Variants in TBL1XR1 observed in about 807,000 individuals in gnomAD.
TBL1XR1 encodes the protein TBL1X/Y related 1, also known as F-box-like/WD repeat-containing protein TBL1XR1.
TBL1XR1 carries 5 observed loss-of-function variants against 66.9 expected under a neutral mutation model. The ratio of observed to expected loss-of-function variants is 0.07; its 90% CI spans 0.04 to 0.16. TBL1XR1 has a LOEUF of 0.16. TBL1XR1 is among the 10% of genes least tolerant of loss of function. The pLI, the probability that TBL1XR1 is intolerant of heterozygous loss-of-function variation, is 1.00. For synonymous variants in TBL1XR1, 210 were observed against 206.0 expected, an observed-to-expected ratio of 1.02 and a Z score of -0.17; for missense variants, 238 against 623.2, an observed-to-expected ratio of 0.38 and a Z score of 6.58.
At chr3:177,085,663 A>G (rs1011915245) in intron 2 of TBL1XR1, among the ~76,000 whole-genome samples, 2 of 152,218 alleles carry the variant, frequency 1.3e-5, no homozygotes, top group African/African-American at 4.8e-5. Flanking sequence ...TAGGAAAATG[A>G]TAGCAAACAC....
intron 1 of TBL1XR1, among the ~76,000 whole-genome samples, chr3:177,143,305 T>A (rs1237662010): frequency 6.6e-6 from 1 of 151,932 alleles, no homozygotes; most frequent in Admixed American, 6.6e-5. Flanking sequence ...ATGCTCAGTA[T>A]TTGCTAAGTC....
rs144205846 is a variant in TBL1XR1 at position 177,071,191 on chromosome 3, C to T, written c.-45-6169G>A. Among the ~76,000 whole-genome samples, 422 of 151,886 alleles carry T rather than the reference C, an allele frequency of 2.8e-3. 3 individuals carry two copies. Among genetic ancestry groups the T allele is most frequent in the African/African-American group, 9.7e-3 (403 of 41,406 alleles). ...GACTATAGGCACCCGCCACCGTGCC[C>T]GGCTAATTTTTTGTATTTTCAGTAG... is the stretch of plus-strand genomic sequence containing the variant. On this transcript the variant is annotated intron_variant, in intron 2 of 15. Coordinates refer to ENST00000457928, the MANE Select transcript of TBL1XR1 (RefSeq NM_024665.7).
intron 1 of TBL1XR1, among the ~76,000 whole-genome samples, chr3:177,154,541 C>G (rs561423017): frequency 1.3e-5 from 2 of 152,020 alleles, no homozygotes; most frequent in East Asian, 1.9e-4. Flanking sequence ...GGATTACAGA[C>G]GCCCACCACC....
chr3:177,097,990 T>C (rs759196629), intron 2 of TBL1XR1, among the ~76,000 whole-genome samples: 4 of 152,156 alleles, frequency 2.6e-5, no homozygotes, highest in Non-Finnish European at 4.4e-5. Context: ...GCGGATCACC[T>C]GCGGTCAGGG....
intron 2 of TBL1XR1, among the ~76,000 whole-genome samples, chr3:177,075,516 A>C (rs189083238): frequency 6.6e-6 from 1 of 152,298 alleles, no homozygotes; most frequent in African/African-American, 2.4e-5. Context: ...CTTCCCTACT[A>C]ATCAGTATAG....
intron 10 of TBL1XR1, among the ~76,000 whole-genome samples, chr3:177,041,361 A>G (rs1715559655): frequency 1.3e-5 from 2 of 152,164 alleles, no homozygotes; most frequent in Non-Finnish European, 2.9e-5. Context: ...AAAAACTTTG[A>G]GGTGCAAGCT....
At chr3:177,035,570 C>T (rs1450831781) in intron 12 of TBL1XR1, among the ~76,000 whole-genome samples, 2 of 152,110 alleles carry the variant, frequency 1.3e-5, no homozygotes, top group African/African-American at 2.4e-5. Context: ...CCTGCCGCCA[C>T]GCTCGGCTAA....
intron 1 of TBL1XR1, among the ~76,000 whole-genome samples, chr3:177,193,758 G>A (rs1044621116): frequency 6.9e-6 from 1 of 145,684 alleles, no homozygotes; most frequent in African/African-American, 2.5e-5. Flanking sequence ...TTTTTGGAAG[G>A]ATGATCTACA....
At position 177,051,515 on chromosome 3, in the gene TBL1XR1, T is replaced by G; in HGVS notation, c.416A>C (p.His139Pro). 1 of 1,611,450 alleles carries G rather than the reference T, an allele frequency of 6.2e-7. No homozygotes were observed. The highest frequency in any genetic ancestry group is 8.5e-7 in the Non-Finnish European group (1 of 1,179,042). ...NTANGEENGA[H>P]TIANNHTDMM... The stretch of plus-strand genomic sequence containing the variant: ...TTGTCTGAGCTCACTTGCTATAGTA[T>G]GTGCTCCATTCTCCTCCCCATTTGC... The change falls in exon 5 of 16, where the codon CAT becomes CCT. Residue 139 changes from histidine to proline, a missense_variant. By Grantham distance (77) the His-to-Pro change is moderately conservative. This residue lies in a region of TBL1XR1 where 80 missense variants were observed against 100.5 expected (regional missense o/e 0.80). Coordinates refer to ENST00000457928, the MANE Select transcript of TBL1XR1 (RefSeq NM_024665.7).
At chr3:177,136,243 A>G (rs1405171962) in intron 1 of TBL1XR1, 2 of 152,154 alleles carry the variant, frequency 1.3e-5, no homozygotes, top group Non-Finnish European at 2.9e-5. Context: ...AAAAGTCCAA[A>G]AGCCATAGAC....
intron 14 of TBL1XR1, chr3:177,032,722 A>G (rs1442691645): frequency 6.5e-6 from 2 of 308,002 alleles, no homozygotes; most frequent in East Asian, 5.2e-5. Context: ...TTCACATCTG[A>G]TATCTGCAAA....
chr3:177,160,473 CA>C (rs11303033), intron 1 of TBL1XR1, among the ~76,000 whole-genome samples: 58,056 of 117,130 alleles, frequency 0.5, 12,866 homozygotes, highest in Non-Finnish European at 0.59. Context: ...GACTCTGTCT[CA>C]AAAAAAAAAA....
intron 1 of TBL1XR1, among the ~76,000 whole-genome samples, chr3:177,194,643 C>G (rs1736592891): frequency 6.6e-6 from 1 of 152,118 alleles, no homozygotes; most frequent in Non-Finnish European, 1.5e-5. Context: ...AGTTGATGTT[C>G]AAAAGGTCTA....
intron 2 of TBL1XR1, among the ~76,000 whole-genome samples, chr3:177,070,577 G>A (rs1428970997): frequency 3.3e-5 from 5 of 152,168 alleles, no homozygotes; most frequent in African/African-American, 9.7e-5. Flanking sequence ...GGCCAGGTGC[G>A]GTGGCTCACA....
At position 177,098,465 on chromosome 3, in the gene TBL1XR1, C is replaced by G. The variant is rs1211798405; in HGVS notation, c.-46+1G>C. ...TGACATTGGGAGTTGGAGAGTCTTA[C>G]CATTGGCAGTGCATTGATGTGGGGA... On this transcript the variant is annotated splice_donor_variant, in intron 2 of 15. Coordinates refer to ENST00000457928, the MANE Select transcript of TBL1XR1 (RefSeq NM_024665.7). LOFTEE classifies it low-confidence loss of function (5UTR_SPLICE). The G allele has an allele frequency of 1.0e-6, 1 of 985,362 alleles. No individual in the cohort carries two copies. The highest frequency in any genetic ancestry group is 1.2e-6 in the Non-Finnish European group (1 of 829,692). The allele number at this position is 985,362 out of a possible 1,614,324, so 61.0% of individuals were successfully genotyped here. A position where few individuals can be genotyped will look rare whatever the true frequency, so the allele number is the denominator to read the frequency against.
chr3:177,152,916 G>A (rs1386679444), intron 1 of TBL1XR1, among the ~76,000 whole-genome samples: 8 of 152,034 alleles, frequency 5.3e-5, no homozygotes, highest in Non-Finnish European at 8.8e-5. Flanking sequence ...CACTGTTTGT[G>A]GATCACTTGA....
Position 177,167,943 on chromosome 3 carries a change from A to ATG in TBL1XR1, c.-122+29177_-122+29178insCA, listed in dbSNP as rs770737491. On this transcript the variant is annotated intron_variant, in intron 1 of 15. Coordinates refer to ENST00000457928, the MANE Select transcript of TBL1XR1 (RefSeq NM_024665.7). ...CACTGTTTCAAAAAAAACAACAAAA[A>ATG]AAATAAGTATCTTAAAAAAGTGTTG... Among the ~76,000 whole-genome samples the ATG allele has an allele frequency of 0.039, 5,989 of 152,182 alleles. 747 individuals are homozygous for ATG. The East Asian group carries it at 0.49, about 12-fold the overall frequency.
At chr3:177,055,993 T>C (rs545946769) in intron 3 of TBL1XR1, among the ~76,000 whole-genome samples, 31 of 152,322 alleles carry the variant, frequency 2.0e-4, no homozygotes, top group African/African-American at 6.0e-4. Context: ...CTACTACTCC[T>C]CTTGAACAGT....
rs1327561787 is a variant in TBL1XR1, at chr3:177,064,891, A to T, written c.58+29T>A. 4 of 1,304,864 alleles carry T rather than the reference A, an allele frequency of 3.1e-6. No homozygotes were observed. In the Admixed American group the frequency reaches 9.2e-5, roughly 30 times the overall value. The allele number at this position is 1,304,864 out of a possible 1,614,324, so 80.8% of individuals were successfully genotyped here. ...ATTTTGAGAATATTAAAATAATTTG[A>T]GGCCTATTTACTTTATAAAAGTACT... On this transcript the variant is annotated intron_variant, in intron 3 of 15. Transcript: ENST00000457928.
Sources: gnomAD v4.1 joint callset for allele counts (sites outside exome capture counted in the v4.1 genomes callset) on GRCh38, gnomAD v4.1.1 for gene constraint, gnomAD v4.1.1 regional missense constraint, MANE v1.5 for transcripts, NCBI Gene and HGNC (gene_info 2026-07-23, HGNC 2026-07-21) for gene names.